Variants in PTPRK observed in about 807,000 individuals in gnomAD.
The protein encoded by PTPRK is receptor-type tyrosine-protein phosphatase kappa.
PTPRK carries 75 observed loss-of-function variants against 178.0 expected under a neutral mutation model. The ratio of observed to expected loss-of-function variants is 0.42; its 90% CI spans 0.35 to 0.51. The LOEUF (loss-of-function observed/expected upper bound fraction) is 0.51, where lower values mean the gene tolerates loss of function less well. Ranked by LOEUF, PTPRK falls within the 20% of genes least tolerant of loss-of-function variation. The probability of loss-of-function intolerance (pLI) is 0.02; values close to 1 mark genes in which losing one functional copy is unlikely to be tolerated. For synonymous variants in PTPRK, 637 were observed against 620.6 expected (o/e 1.03, Z -0.39); for missense variants, 1,441 against 1,797.8 (o/e 0.80, Z 3.59).
intron 1 of PTPRK, chr6:128,491,724 C>G: frequency 2.0e-6 from 1 of 507,600 alleles, no homozygotes; most frequent in Non-Finnish European, 3.9e-6. Flanking sequence ...TTTTTTTTCT[C>G]TTGTTACCTT....
chr6:128,307,832 T>C (rs990678020), intron 3 of PTPRK, among the ~76,000 whole-genome samples: 7 of 152,266 alleles, frequency 4.6e-5, no homozygotes, highest in Middle Eastern at 6.8e-3. Context: ...TATGCATCAA[T>C]AGAAATGCAT....
At chr6:128,293,257 G>C (rs1057469367) in intron 3 of PTPRK, among the ~76,000 whole-genome samples, 2 of 152,066 alleles carry the variant, frequency 1.3e-5, no homozygotes, top group Non-Finnish European at 2.9e-5. Flanking sequence ...AAGCTGCGAA[G>C]TCCAAAATCA....
Position 127,992,725 on chromosome 6 carries a change from A to C in PTPRK, c.2845-16T>G, listed in dbSNP as rs746865970. On this transcript the variant is annotated splice_polypyrimidine_tract_variant and intron_variant, in intron 18 of 29. Coordinates refer to ENST00000368226, the MANE Select transcript of PTPRK (RefSeq NM_002844.4). The stretch of plus-strand genomic sequence containing the variant: ...TCTGGTAGCCCTAAAATAAGAGAAC[A>C]AATTAGTTATCATTTTACATCAATA... The C allele has an allele frequency of 8.9e-6, 14 of 1,565,714 alleles. No individual in the cohort carries two copies. The highest frequency in any genetic ancestry group is 1.2e-5 in the Non-Finnish European group (14 of 1,154,982).
At chr6:127,973,239 T>A in intron 28 of PTPRK, 82 bp from the exon 29 acceptor site, 1 of 1,568,292 alleles carries the variant, frequency 6.4e-7, no homozygotes, top group Non-Finnish European at 8.6e-7. Flanking sequence ...TTTGGGAAAA[T>A]AAGACATTGT....
At chr6:128,340,626 C>T (rs778106511) in intron 2 of PTPRK, among the ~76,000 whole-genome samples, 1 of 152,114 alleles carries the variant, frequency 6.6e-6, no homozygotes, top group African/African-American at 2.4e-5. Context: ...TATTAACATA[C>T]CATAAGTTTA....
At chr6:128,265,899 G>C (rs1370207208) in intron 3 of PTPRK, among the ~76,000 whole-genome samples, 1 of 152,074 alleles carries the variant, frequency 6.6e-6, no homozygotes, top group East Asian at 1.9e-4. Context: ...AGGTCATGCG[G>C]ACTCCACCTT....
rs554362283 is a variant in PTPRK, at chr6:128,520,573, T to C, written c.-215A>G. 5.5e-6 allele frequency: 3 copies of C among 543,762 alleles called. No individual in the cohort carries two copies. Among genetic ancestry groups the C allele is most frequent in the East Asian group, 3.1e-5 (1 of 32,570 alleles). The allele number at this position is 543,762 out of a possible 1,614,324, so 33.7% of individuals were successfully genotyped here. ...GGCCGGCCGCGGCGGCAGCTCTCCA[T>C]GCTCGGCGGAGGCTGCTCCTGTTAG... On this transcript the variant is annotated 5_prime_UTR_variant, in exon 1 of 30. An upstream start codon of the reference 5' UTR is lost. Coordinates refer to ENST00000368226, the MANE Select transcript of PTPRK (RefSeq NM_002844.4).
At chr6:128,382,345 T>C (rs1269899018) in intron 2 of PTPRK, among the ~76,000 whole-genome samples, 4 of 151,462 alleles carry the variant, frequency 2.6e-5, no homozygotes, top group South Asian at 4.2e-4. Flanking sequence ...TATGTAATCA[T>C]GTGTCCATTT....
At chr6:127,974,546 T>C (rs896452934) in intron 27 of PTPRK, among the ~76,000 whole-genome samples, 2 of 152,200 alleles carry the variant, frequency 1.3e-5, no homozygotes, top group Non-Finnish European at 2.9e-5. Context: ...CTGTGTGTCT[T>C]GGGAAAGCTC....
chr6:128,201,113 T>C (rs1207963725), intron 6 of PTPRK, among the ~76,000 whole-genome samples: 1 of 152,200 alleles, frequency 6.6e-6, no homozygotes, highest in Non-Finnish European at 1.5e-5. Flanking sequence ...GAGGATAGGC[T>C]ATTAAATTCT....
intron 1 of PTPRK, among the ~76,000 whole-genome samples, chr6:128,493,565 A>G (rs1433152000): frequency 2.7e-5 from 4 of 149,306 alleles, no homozygotes; most frequent in Admixed American, 2.0e-4. Flanking sequence ...CGTCTCAAAA[A>G]AAAAAAAAAA....
At chr6:128,494,881 T>A (rs974034945) in intron 1 of PTPRK, among the ~76,000 whole-genome samples, 1 of 152,218 alleles carries the variant, frequency 6.6e-6, no homozygotes, top group Admixed American at 6.5e-5. Context: ...AAGTAAGAGC[T>A]GAATTGCTAT....
At chr6:128,413,819 A>G (rs1842560281) in intron 1 of PTPRK, among the ~76,000 whole-genome samples, 1 of 152,184 alleles carries the variant, frequency 6.6e-6, no homozygotes, top group African/African-American at 2.4e-5. Context: ...ACCTTCCTAT[A>G]CTGACCCAAC....
chr6:128,507,437 C>T (rs771632737), intron 1 of PTPRK, among the ~76,000 whole-genome samples: 4 of 152,052 alleles, frequency 2.6e-5, no homozygotes, highest in African/African-American at 9.7e-5. Flanking sequence ...CTGGTAAGAC[C>T]GTGAGTGTAC....
At chr6:128,385,707 T>C (rs1416907163) in intron 2 of PTPRK, among the ~76,000 whole-genome samples, 2 of 152,224 alleles carry the variant, frequency 1.3e-5, no homozygotes, top group Non-Finnish European at 2.9e-5. Context: ...CATGCTTGCC[T>C]GAAGGCTCTG....
intron 7 of PTPRK, among the ~76,000 whole-genome samples, chr6:128,182,516 G>C (rs1219288697): frequency 6.6e-6 from 1 of 152,150 alleles, no homozygotes; most frequent in African/African-American, 2.4e-5. Flanking sequence ...AGAGGTTGCA[G>C]TGAGCCAAGA....
At chr6:128,095,706 A>T (rs907744215) in intron 7 of PTPRK, among the ~76,000 whole-genome samples, 21 of 152,158 alleles carry the variant, frequency 1.4e-4, no homozygotes, top group African/African-American at 4.8e-4. Context: ...GGCTAGGGGG[A>T]GTGCAGATAG....
intron 1 of PTPRK, among the ~76,000 whole-genome samples, chr6:128,433,899 CAGAG>C (rs532400360): frequency 1.4e-3 from 203 of 149,808 alleles, no homozygotes; most frequent in African/African-American, 4.7e-3. Context: ...TTGAGCACAG[CAGAG>C]AAAGTCATAA....
intron 3 of PTPRK, among the ~76,000 whole-genome samples, chr6:128,282,631 C>A (rs1181601043): frequency 2.0e-5 from 3 of 152,184 alleles, no homozygotes; most frequent in African/African-American, 7.2e-5. Flanking sequence ...TCAATCTCTA[C>A]AAATTTATGT....
Sources: allele counts gnomAD v4.1 joint callset (sites outside exome capture counted in the v4.1 genomes callset), GRCh38; gene constraint gnomAD v4.1.1; transcripts MANE v1.5; gene names NCBI Gene and HGNC (gene_info 2026-07-23, HGNC 2026-07-21).